ANKS1B: variants seen among roughly 807,000 people sequenced by gnomAD.
ANKS1B encodes ankyrin repeat and sterile alpha motif domain-containing protein 1B.
A neutral mutation model predicts 148.3 loss-of-function variants in ANKS1B; 36 were observed. The observed-to-expected ratio is 0.24, with a 90% CI of 0.19 to 0.32. The LOEUF (loss-of-function observed/expected upper bound fraction) is 0.32. Ranked by LOEUF, ANKS1B falls within the 10% of genes least tolerant of loss-of-function variation. ANKS1B has a pLI of 1.00. For missense variants in ANKS1B, 1,157 were observed against 1,542.6 expected (o/e 0.75, Z 4.19); for synonymous variants, 542 against 560.8 (o/e 0.97, Z 0.47).
At chr12:98,787,027 T>C (rs2153537507) in intron 22 of ANKS1B, among the ~76,000 whole-genome samples, 1 of 152,324 alleles carries the variant, frequency 6.6e-6, no homozygotes. Context: ...TATAATATCT[T>C]CCTTAGTTAG....
At chr12:99,111,003 C>T (rs2060175687) in intron 15 of ANKS1B, among the ~76,000 whole-genome samples, 1 of 152,184 alleles carries the variant, frequency 6.6e-6, no homozygotes, top group African/African-American at 2.4e-5. Flanking sequence ...CTATCCATCA[C>T]TGCCCTTATC....
At chr12:99,926,873 A>T (rs1243310218) in intron 1 of ANKS1B, among the ~76,000 whole-genome samples, 1 of 152,008 alleles carries the variant, frequency 6.6e-6, no homozygotes, top group Non-Finnish European at 1.5e-5. Flanking sequence ...CATTGTCCCC[A>T]TTCCCCCATG....
intron 19 of ANKS1B, among the ~76,000 whole-genome samples, chr12:98,810,240 C>T (rs1006935968): frequency 2.0e-5 from 3 of 152,218 alleles, no homozygotes; most frequent in Non-Finnish European, 1.5e-5. Flanking sequence ...AGAGATTGCA[C>T]ACTTGTGTGC....
chr12:99,170,512 A>G (rs2077638620), intron 14 of ANKS1B, among the ~76,000 whole-genome samples: 2 of 152,186 alleles, frequency 1.3e-5, no homozygotes, highest in Admixed American at 6.5e-5. Flanking sequence ...AAAGCACTGT[A>G]ACTTAGAGCT....
chr12:99,246,371 T>C lies in ANKS1B; in HGVS notation c.2250A>G (p.Lys750=). The C allele has an allele frequency of 6.2e-7, 1 of 1,613,900 alleles. No homozygotes were observed. Among genetic ancestry groups the C allele is most frequent in the Non-Finnish European group, 8.5e-7 (1 of 1,179,844 alleles). ...SDLIAYPSNE[K]TSRVNWSESS... ...ATTCACTCCAGTTAACTCTTGATGT[T>C]TTCTCATTGGAAGGATAGGCAATGA... is the stretch of plus-strand genomic sequence containing the variant. Residue 750 remains lysine, a synonymous_variant, in exon 13 of 27, where the codon AAA becomes AAG. Transcript: ENST00000683438.
At chr12:99,881,427 T>C (rs1174485546) in intron 1 of ANKS1B, among the ~76,000 whole-genome samples, 2 of 152,186 alleles carry the variant, frequency 1.3e-5, no homozygotes, top group African/African-American at 4.8e-5. Context: ...CTACTGCTTT[T>C]TCTCTCTATC....
intron 14 of ANKS1B, among the ~76,000 whole-genome samples, chr12:99,223,385 T>C (rs1476802966): frequency 6.6e-6 from 1 of 152,136 alleles, no homozygotes; most frequent in African/African-American, 2.4e-5. Flanking sequence ...CATTGTAACA[T>C]ATAATGAAAT....
intron 4 of ANKS1B, among the ~76,000 whole-genome samples, chr12:99,794,600 A>C (rs1306065543): frequency 6.6e-6 from 1 of 152,012 alleles, no homozygotes; most frequent in Non-Finnish European, 1.5e-5. Context: ...CAGGCTCAGA[A>C]AGACAGACAT....
chr12:99,339,566 G>A (rs2089556800), intron 12 of ANKS1B, among the ~76,000 whole-genome samples: 1 of 152,154 alleles, frequency 6.6e-6, no homozygotes, highest in South Asian at 2.1e-4. Flanking sequence ...AGGTGGGGGA[G>A]TACAATCGCT....
At chr12:99,930,619 A>C (rs2094589339) in intron 1 of ANKS1B, among the ~76,000 whole-genome samples, 1 of 152,192 alleles carries the variant, frequency 6.6e-6, no homozygotes, top group Non-Finnish European at 1.5e-5. Context: ...CCATCAGAGA[A>C]ATGCAAATCA....
intron 15 of ANKS1B, chr12:99,097,009 T>C (rs1025766446): frequency 3.3e-5 from 5 of 152,238 alleles, no homozygotes; most frequent in African/African-American, 1.2e-4. Context: ...TTTCCTTTAC[T>C]GGACAGCAAA....
intron 17 of ANKS1B, among the ~76,000 whole-genome samples, chr12:99,029,002 T>G (rs558017771): frequency 6.6e-6 from 1 of 152,306 alleles, no homozygotes; most frequent in South Asian, 2.1e-4. Context: ...AATAAAAAGT[T>G]TTCATGCAGC....
At chr12:99,577,746 C>T (rs571244344) in intron 9 of ANKS1B, among the ~76,000 whole-genome samples, 29 of 151,850 alleles carry the variant, frequency 1.9e-4, no homozygotes, top group Non-Finnish European at 3.8e-4. Context: ...TAAACCCTAC[C>T]AACAGAAAAA....
At chr12:99,827,472 A>G (rs2083347194) in intron 1 of ANKS1B, among the ~76,000 whole-genome samples, 1 of 152,172 alleles carries the variant, frequency 6.6e-6, no homozygotes, top group South Asian at 2.1e-4. Context: ...TACAACATGA[A>G]GACTACAGGT....
intron 14 of ANKS1B, 83 bp downstream of exon 14, chr12:99,244,259 G>A: frequency 1.1e-6 from 1 of 901,380 alleles, no homozygotes; most frequent in Middle Eastern, 2.2e-4. Context: ...TGAAAAAAAT[G>A]CAATTATCTA....
chr12:99,032,656 C>T (rs1242358660), intron 17 of ANKS1B, among the ~76,000 whole-genome samples: 11 of 152,200 alleles, frequency 7.2e-5, no homozygotes, highest in African/African-American at 1.2e-4. Context: ...ACAGGTTCTA[C>T]GTGGACATAT....
At chr12:99,203,744 C>A (rs771641213) in intron 14 of ANKS1B, among the ~76,000 whole-genome samples, 1 of 152,182 alleles carries the variant, frequency 6.6e-6, no homozygotes, top group African/African-American at 2.4e-5. Context: ...AGCCACTGCA[C>A]CCGGCCAAGA....
At chr12:98,802,944 T>G (rs761587400) in intron 20 of ANKS1B, among the ~76,000 whole-genome samples, 10 of 152,158 alleles carry the variant, frequency 6.6e-5, no homozygotes, top group Non-Finnish European at 1.0e-4. Context: ...TTGTTAAGAC[T>G]TTACTTGCAA....
intron 4 of ANKS1B, among the ~76,000 whole-genome samples, chr12:99,789,076 C>T (rs1373470608): frequency 6.6e-6 from 1 of 152,192 alleles, no homozygotes; most frequent in African/African-American, 2.4e-5. Flanking sequence ...GCTGAGCTGG[C>T]TTCAGGTCTG....
Sources: allele counts gnomAD v4.1 joint callset (sites outside exome capture counted in the v4.1 genomes callset), GRCh38; gene constraint gnomAD v4.1.1; transcripts MANE v1.5; gene names NCBI Gene and HGNC (gene_info 2026-07-23, HGNC 2026-07-21).